The following BLTP3B variants were observed in gnomAD, a reference collection of about 807,000 sequenced individuals.
The protein encoded by BLTP3B is UHRF1 (ICBP90) binding protein 1-like.
At chr12:100,124,797 C>A in the BLTP3B span, among the ~76,000 whole-genome samples, 1 of 150,528 alleles carries the variant, frequency 6.6e-6, no homozygotes, top group Non-Finnish European at 1.5e-5. Flanking sequence ...TGGCACACAC[C>A]TGTAGTCCTA....
the BLTP3B span, among the ~76,000 whole-genome samples, chr12:100,131,736 CAA>C: frequency 6.6e-6 from 1 of 152,048 alleles, no homozygotes; most frequent in Non-Finnish European, 1.5e-5. Context: ...TGAAAATAAC[CAA>C]AAGTCTTTTA....
the BLTP3B span, chr12:100,095,757 CAACTGGG>C: frequency 6.2e-7 from 1 of 1,613,586 alleles, no homozygotes; most frequent in Non-Finnish European, 8.5e-7. Context: ...CCATAGCTTT[CAACTGGG>C]AATCAGTCAA....
At chr12:100,084,191 A>AG in the BLTP3B span, among the ~76,000 whole-genome samples, 1 of 151,834 alleles carries the variant, frequency 6.6e-6, no homozygotes, top group Non-Finnish European at 1.5e-5. Flanking sequence ...CCTGTCTCAA[A>AG]GAAAAAAAAA....
the BLTP3B span, chr12:100,084,337 AAAG>A: frequency 8.4e-5 from 81 of 959,752 alleles, no homozygotes; most frequent in Non-Finnish European, 1.1e-4. Flanking sequence ...TCTACATTAA[AAAG>A]AAGAAAAAAA....
At chr12:100,102,263 C>T in the BLTP3B span, among the ~76,000 whole-genome samples, 2 of 152,064 alleles carry the variant, frequency 1.3e-5, no homozygotes, top group South Asian at 2.1e-4. Flanking sequence ...GTGCATGGCG[C>T]CATGCCCAGC....
At chr12:100,057,464 A>T in the BLTP3B span, 1 of 753,684 alleles carries the variant, frequency 1.3e-6, no homozygotes, top group African/African-American at 1.8e-5. Flanking sequence ...CAGTAACTTT[A>T]AAAAGCATGG....
At chr12:100,038,636 G>A in the BLTP3B span, among the ~76,000 whole-genome samples, 1 of 151,976 alleles carries the variant, frequency 6.6e-6, no homozygotes, top group Non-Finnish European at 1.5e-5. Flanking sequence ...GCGCCCTACA[G>A]ACATTTTCAT....
the BLTP3B span, among the ~76,000 whole-genome samples, chr12:100,107,061 G>A: frequency 6.6e-6 from 1 of 151,980 alleles, no homozygotes; most frequent in South Asian, 2.1e-4. Context: ...GCAGAGGCGG[G>A]TGGTGGATCA....
At chr12:100,104,069 T>C in the BLTP3B span, 1 of 634,058 alleles carries the variant, frequency 1.6e-6, no homozygotes. Flanking sequence ...ATAAAATCAC[T>C]TTTCTTAAAC....
chr12:100,102,719 T>TTA, the BLTP3B span: 1 of 1,090,912 alleles, frequency 9.2e-7, no homozygotes, highest in Non-Finnish European at 1.3e-6. Flanking sequence ...TTTTTTTTTT[T>TTA]AATGTCCTGT....
the BLTP3B span, among the ~76,000 whole-genome samples, chr12:100,130,921 A>AATACATACATACATAC: frequency 0.013 from 1,624 of 127,658 alleles, 45 homozygotes; most frequent in African/African-American, 0.049. Context: ...ATCTCAAAAA[A>AATACATACATACATAC]ATACATACAT....
the BLTP3B span, among the ~76,000 whole-genome samples, chr12:100,126,998 G>A: frequency 6.6e-6 from 1 of 151,902 alleles, no homozygotes; most frequent in Non-Finnish European, 1.5e-5. Context: ...CACATGGATA[G>A]CTGTGGTTAA....
chr12:100,067,425 T>A, the BLTP3B span, among the ~76,000 whole-genome samples: 9 of 151,846 alleles, frequency 5.9e-5, no homozygotes, highest in African/African-American at 2.2e-4. Context: ...AAAAGATAAA[T>A]AAAATTGATA....
the BLTP3B span, among the ~76,000 whole-genome samples, chr12:100,135,688 A>C: frequency 6.6e-6 from 1 of 152,152 alleles, no homozygotes; most frequent in Non-Finnish European, 1.5e-5. Context: ...AGCATTTAAC[A>C]CACTGATATA....
At chr12:100,045,665 T>C in the BLTP3B span, among the ~76,000 whole-genome samples, 2 of 152,184 alleles carry the variant, frequency 1.3e-5, no homozygotes, top group African/African-American at 4.8e-5. Flanking sequence ...AACATAGGCA[T>C]GGGCAAAGAC....
At chr12:100,047,702 G>A in the BLTP3B span, 11 of 1,227,230 alleles carry the variant, frequency 9.0e-6, no homozygotes, top group Non-Finnish European at 1.3e-5. Context: ...ATGAGTTAAA[G>A]ATAACACATG....
the BLTP3B span, among the ~76,000 whole-genome samples, chr12:100,088,335 G>A: frequency 1.7e-4 from 26 of 152,216 alleles, no homozygotes; most frequent in East Asian, 3.9e-3. Context: ...AACGCCCAGC[G>A]CCTAGATTAC....
chr12:100,058,909 A>G, the BLTP3B span: 9 of 1,614,004 alleles, frequency 5.6e-6, no homozygotes, highest in South Asian at 9.9e-5. Context: ...AATGTATCTG[A>G]TGAAGAAGGC....
the BLTP3B span, among the ~76,000 whole-genome samples, chr12:100,109,204 C>T: frequency 6.9e-6 from 1 of 145,558 alleles, no homozygotes; most frequent in Admixed American, 6.9e-5. Flanking sequence ...CTCTCTCTCT[C>T]TCTCTCTCTC....
Sources: allele counts gnomAD v4.1 joint callset (sites outside exome capture counted in the v4.1 genomes callset), GRCh38; gene constraint gnomAD v4.1.1; transcripts MANE v1.5; gene names NCBI Gene and HGNC (gene_info 2026-07-23, HGNC 2026-07-21).